DCT: variants seen among roughly 807,000 people sequenced by gnomAD.
DCT encodes the protein dopachrome tautomerase.
In DCT, 47 loss-of-function variants were observed where a neutral mutation model predicts 53.0. That is an observed-to-expected ratio of 0.89 (90% CI 0.70 to 1.13). The LOEUF is 1.13. Ranked by LOEUF, DCT falls within the 50% of genes most tolerant of loss-of-function variation. DCT has a pLI of 0.00. For missense variants in DCT, 669 were observed against 637.4 expected, an observed-to-expected ratio of 1.05 and a Z score of -0.53; for synonymous variants, 244 against 237.0, an observed-to-expected ratio of 1.03 and a Z score of -0.27.
chr13:94,532,999 C>A, the DCT span, among the ~76,000 whole-genome samples: 1 of 152,104 alleles, frequency 6.6e-6, no homozygotes, highest in African/African-American at 2.4e-5. Context: ...TAAGACCATG[C>A]AATTCTTTTT....
chr13:94,534,909 T>C, the DCT span, among the ~76,000 whole-genome samples: 1 of 152,194 alleles, frequency 6.6e-6, no homozygotes, highest in African/African-American at 2.4e-5. Context: ...TCCAAATAAA[T>C]GTGGTTTGTT....
the DCT span, among the ~76,000 whole-genome samples, chr13:94,527,187 C>T: frequency 6.6e-6 from 1 of 152,242 alleles, no homozygotes. Flanking sequence ...ATGAATTCCA[C>T]CTCTAGGGGG....
chr13:94,486,971 A>G, the DCT span, among the ~76,000 whole-genome samples: 1 of 152,230 alleles, frequency 6.6e-6, no homozygotes, highest in African/African-American at 2.4e-5. Context: ...TGTTGTTTAC[A>G]AAACAGGGCT....
intron 1 of DCT, among the ~76,000 whole-genome samples, chr13:94,471,339 CAATT>C (rs1884633181): frequency 6.6e-6 from 1 of 151,898 alleles, no homozygotes; most frequent in African/African-American, 2.4e-5. Context: ...TTACGTAGCT[CAATT>C]ATCTGTATTT....
At chr13:94,483,443 C>CTT (rs34530396), upstream of DCT, among the ~76,000 whole-genome samples, 47 of 146,180 alleles carry the variant, frequency 3.2e-4, no homozygotes, top group African/African-American at 4.3e-4. Context: ...GCGTTTCTCC[C>CTT]TTTTTTTTTT....
At position 94,443,443 on chromosome 13, in the gene DCT, A is replaced by T; in HGVS notation, c.1374T>A (p.Asp458Glu). The change falls in exon 7 of 8, where the codon GAT becomes GAA. Residue 458 changes from aspartate (D) to glutamate (E), a missense_variant. Asp to Glu is a conservative substitution (Grantham distance 45). Coordinates refer to ENST00000377028, the MANE Select transcript of DCT (RefSeq NM_001922.5). ...SDQLGYSYAIDLPVSVEETPG... is the reference protein window; with the variant it reads ...SDQLGYSYAIELPVSVEETPG... ...GGAAGTTGTGTTAGTTACCTGGCAG[A>T]TCGATGGCATAGCTGTAGCCAAGTT... 2 of 1,612,334 alleles carry T rather than the reference A, an allele frequency of 1.2e-6. No homozygotes were observed. Among genetic ancestry groups the T allele is most frequent in the Non-Finnish European group, 1.7e-6 (2 of 1,178,352 alleles).
the DCT span, among the ~76,000 whole-genome samples, chr13:94,535,921 C>T: frequency 6.6e-6 from 1 of 152,158 alleles, no homozygotes; most frequent in Non-Finnish European, 1.5e-5. Context: ...AAGAATGTCT[C>T]CTGCCACCCG....
the DCT span, among the ~76,000 whole-genome samples, chr13:94,506,802 T>A: frequency 6.6e-6 from 1 of 152,204 alleles, no homozygotes; most frequent in East Asian, 1.9e-4. Flanking sequence ...AAATTTAGCA[T>A]CACCATGATA....
Position 94,479,224 on chromosome 13 carries a change from C to T in DCT, c.32G>A (p.Ser11Asn), listed in dbSNP as rs771403359. Residue 11 changes from serine to asparagine, a missense_variant, in exon 1 of 8, where the codon AGT (serine) becomes AAT (asparagine). By Grantham distance (46) the Ser-to-Asn change is conservative. Coordinates refer to ENST00000377028, the MANE Select transcript of DCT (RefSeq NM_001922.5). MSPLWWGFLL[S>N]CLGCKILPGA... ...TGGCAGGATTTTGCAGCCCAAGCAA[C>T]TGAGCAGAAACCCCCACCAAAGGGG... 2 of 1,600,662 alleles carry T rather than the reference C, an allele frequency of 1.2e-6. No individual in the cohort carries two copies. The highest frequency in any genetic ancestry group is 4.5e-5 in the East Asian group (2 of 44,474).
chr13:94,479,070 T>C lies in DCT; in HGVS notation c.186A>G (p.Thr62=). Residue 62 remains threonine (T), a synonymous_variant, in exon 1 of 8, where the codon ACA becomes ACG. Transcript: ENST00000377028. ...AGGGCCTTGTGTCGGCTCGCACCTCTGTGCACTGCCCCCGGCCTTGCTGAG... is the reference window on the plus strand; with the variant it reads ...AGGGCCTTGTGTCGGCTCGCACCTCCGTGCACTGCCCCCGGCCTTGCTGAG... The part of the protein sequence containing the change: ...CGSQQGRGQC[T]EVRADTRPWS... 1.2e-6 allele frequency: 2 copies of C among 1,614,266 alleles called. No individual in the cohort carries two copies. Among genetic ancestry groups the C allele is most frequent in the Non-Finnish European group, 1.7e-6 (2 of 1,180,046 alleles).
chr13:94,532,889 CCT>C, the DCT span, among the ~76,000 whole-genome samples: 1 of 152,198 alleles, frequency 6.6e-6, no homozygotes, highest in Non-Finnish European at 1.5e-5. Flanking sequence ...CATTCCCTTT[CCT>C]CTCTCTGTTA....
rs1029311416 is a variant in DCT at position 94,438,074 on chromosome 13, A to G, written c.*1824T>C. On this transcript the variant is annotated 3_prime_UTR_variant, in exon 8 of 8. Transcript: ENST00000377028. ...AGTAACTTCTGGCGCTTTTAACATA[A>G]TTGATTTATACATAACTTTTCAGAA... The G allele has an allele frequency of 1.3e-5, 2 of 152,234 alleles. No homozygotes were observed. The highest frequency in any genetic ancestry group is 4.8e-5 in the African/African-American group (2 of 41,458). 9.4% of individuals were successfully genotyped at this position (152,234 alleles called of 1,614,324 possible). A position where few individuals can be genotyped will look rare whatever the true frequency, so the allele number is the denominator to read the frequency against.
At chr13:94,483,859 AG>A (rs902280992), upstream of DCT, among the ~76,000 whole-genome samples, 1 of 152,156 alleles carries the variant, frequency 6.6e-6, no homozygotes, top group African/African-American at 2.4e-5. Flanking sequence ...CGGACAACAC[AG>A]TTCACGATTT....
At chr13:94,456,619 C>T (rs918201658) in intron 6 of DCT, among the ~76,000 whole-genome samples, 12 of 152,270 alleles carry the variant, frequency 7.9e-5, no homozygotes, top group African/African-American at 2.2e-4. Context: ...TTGTACTTGA[C>T]GGGCTCTAGA....
chr13:94,444,215 A>G (rs1391473977), intron 6 of DCT: 3 of 219,958 alleles, frequency 1.4e-5, no homozygotes. Flanking sequence ...AATTTTTTGG[A>G]TTTGGGATTC....
At chr13:94,497,187 T>A in the DCT span, among the ~76,000 whole-genome samples, 2 of 152,300 alleles carry the variant, frequency 1.3e-5, no homozygotes, top group Admixed American at 6.5e-5. Flanking sequence ...TCCAACCAGA[T>A]GACGGCCTGA....
At chr13:94,489,087 G>A in the DCT span, among the ~76,000 whole-genome samples, 11 of 152,214 alleles carry the variant, frequency 7.2e-5, no homozygotes, top group East Asian at 5.8e-4. Context: ...GTGGGAATGG[G>A]CCTAATGGGG....
upstream of DCT, among the ~76,000 whole-genome samples, chr13:94,480,288 G>A (rs1248827179): frequency 6.6e-6 from 1 of 152,182 alleles, no homozygotes; most frequent in Non-Finnish European, 1.5e-5. Flanking sequence ...AGGCTTGCAA[G>A]CAAATCTTTT....
the DCT span, among the ~76,000 whole-genome samples, chr13:94,511,755 C>T: frequency 6.6e-6 from 1 of 152,000 alleles, no homozygotes; most frequent in African/African-American, 2.4e-5. Context: ...TCTTTCTCAC[C>T]CCACTCCATG....
Sources: allele counts gnomAD v4.1 joint callset (sites outside exome capture counted in the v4.1 genomes callset), GRCh38; gene constraint gnomAD v4.1.1; transcripts MANE v1.5; gene names NCBI Gene and HGNC (gene_info 2026-07-23, HGNC 2026-07-21).